NCOR1: variants seen among roughly 807,000 people sequenced by gnomAD.
The protein encoded by NCOR1 is protein phosphatase 1, regulatory subunit 109.
A neutral mutation model predicts 288.1 loss-of-function variants in NCOR1; 63 were observed. The ratio of observed to expected loss-of-function variants is 0.22; its 90% CI spans 0.18 to 0.27. NCOR1 has a LOEUF of 0.27. NCOR1 is among the 10% of genes least tolerant of loss of function. The pLI, the probability that NCOR1 is intolerant of heterozygous loss-of-function variation, is 1.00. For missense variants in NCOR1, 2,397 were observed against 3,019.2 expected, an observed-to-expected ratio of 0.79 and a Z score of 4.83; for synonymous variants, 1,007 against 1,065.9, an observed-to-expected ratio of 0.94 and a Z score of 1.08.
intron 44 of NCOR1, among the ~76,000 whole-genome samples, chr17:16,035,745 T>C (rs1169228880): frequency 6.6e-6 from 1 of 152,100 alleles, no homozygotes; most frequent in East Asian, 1.9e-4. Context: ...TCTCACCATG[T>C]TGCCCAGGTT....
intron 26 of NCOR1, 39 bp from the exon 27 acceptor site, chr17:16,075,741 C>T (rs772993198): frequency 4.4e-6 from 7 of 1,608,828 alleles, no homozygotes; most frequent in South Asian, 2.2e-5. Context: ...AGGAGTCACT[C>T]GAGTTTAGGG....
At chr17:16,194,808 TTTC>T (rs1438769193) in intron 1 of NCOR1, among the ~76,000 whole-genome samples, 169 bp from the exon 2 acceptor site, 3 of 152,222 alleles carry the variant, frequency 2.0e-5, no homozygotes, top group Non-Finnish European at 2.9e-5. Context: ...TAATGCATCA[TTTC>T]TTTTTATACT....
At chr17:16,058,332 G>A in intron 38 of NCOR1, 139 bp downstream of exon 38, 5 of 1,138,424 alleles carry the variant, frequency 4.4e-6, no homozygotes, top group Non-Finnish European at 4.9e-6. Context: ...ATCGATTGCT[G>A]TTTCTAAAGA....
At chr17:16,130,584 TAAC>T (rs1380532929) in intron 14 of NCOR1, among the ~76,000 whole-genome samples, 1 of 152,180 alleles carries the variant, frequency 6.6e-6, no homozygotes, top group Non-Finnish European at 1.5e-5. Context: ...TTCTGTCAAA[TAAC>T]AAGCTATTCA....
chr17:16,077,653 A>G (rs2062769677), intron 26 of NCOR1, among the ~76,000 whole-genome samples: 1 of 151,646 alleles, frequency 6.6e-6, no homozygotes, highest in Non-Finnish European at 1.5e-5. Flanking sequence ...GAGAAAAGAA[A>G]AGAGAAAGAA....
intron 14 of NCOR1, among the ~76,000 whole-genome samples, chr17:16,128,075 G>A (rs1314526138): frequency 3.3e-5 from 5 of 151,976 alleles, no homozygotes; most frequent in Non-Finnish European, 7.4e-5. Context: ...CATTGTGACT[G>A]GCCTGCATTT....
intron 1 of NCOR1, among the ~76,000 whole-genome samples, chr17:16,214,398 G>A (rs2092383673): frequency 6.6e-6 from 1 of 152,134 alleles, no homozygotes; most frequent in Non-Finnish European, 1.5e-5. Context: ...CTTGCACAGT[G>A]CCATGTTCAG....
intron 32 of NCOR1, among the ~76,000 whole-genome samples, chr17:16,066,118 A>G (rs2061094840): frequency 6.6e-6 from 1 of 152,348 alleles, no homozygotes; most frequent in South Asian, 2.1e-4. Flanking sequence ...AAATGATTAT[A>G]GACTATAAGC....
chr17:16,113,538 T>C (rs952919979), intron 18 of NCOR1, among the ~76,000 whole-genome samples: 1 of 152,228 alleles, frequency 6.6e-6, no homozygotes, highest in Admixed American at 6.5e-5. Context: ...TGTCACTTCT[T>C]ATTTGTTAGT....
intron 31 of NCOR1, 134 bp from the exon 32 acceptor site, chr17:16,068,255 T>C: frequency 1.4e-6 from 1 of 718,188 alleles, no homozygotes; most frequent in Non-Finnish European, 2.3e-6. Flanking sequence ...ACATTTAACA[T>C]TCAATATTGC....
intron 17 of NCOR1, among the ~76,000 whole-genome samples, chr17:16,119,142 T>C (rs1211634871): frequency 1.3e-5 from 2 of 152,194 alleles, no homozygotes; most frequent in Non-Finnish European, 2.9e-5. Context: ...TCTAAAAAAG[T>C]GAAAACGACC....
At chr17:16,208,191 C>A (rs1022934754) in intron 1 of NCOR1, among the ~76,000 whole-genome samples, 5 of 147,350 alleles carry the variant, frequency 3.4e-5, no homozygotes, top group Non-Finnish European at 7.5e-5. Context: ...CAGGCGCGTG[C>A]CACCATGCCC....
chr17:16,189,150 T>C lies in NCOR1; in HGVS notation c.109-2463A>G, dbSNP rs141086231. 5.7e-3 allele frequency among the ~76,000 whole-genome samples: 715 copies of C among 125,434 alleles called. 5 individuals carry two copies. The highest frequency in any genetic ancestry group is 0.017 in the African/African-American group (679 of 39,726). The allele number at this position is 125,434 out of a possible 152,430, so 82.3% of individuals were successfully genotyped here. On this transcript the variant is annotated intron_variant, in intron 2 of 45. Coordinates refer to ENST00000268712, the MANE Select transcript of NCOR1 (RefSeq NM_006311.4). ...AGCTCACACCTGTAATCTTAGCACA[T>C]TGGGAGGCCAAGGTGGGAGGGTTGC...
chr17:16,054,410 C>T (rs959631901), intron 40 of NCOR1, among the ~76,000 whole-genome samples: 1 of 152,120 alleles, frequency 6.6e-6, no homozygotes, highest in African/African-American at 2.4e-5. Flanking sequence ...TGGCATGTGC[C>T]TGTAATCCCA....
chr17:16,146,748 G>A (rs944285855), intron 9 of NCOR1, among the ~76,000 whole-genome samples, 200 bp from the exon 10 acceptor site: 8 of 152,276 alleles, frequency 5.3e-5, no homozygotes, highest in African/African-American at 1.9e-4. Flanking sequence ...TAGAGCACAG[G>A]TTGGCTGGAT....
At chr17:16,132,921 C>T (rs1358537239) in intron 14 of NCOR1, among the ~76,000 whole-genome samples, 3 of 148,942 alleles carry the variant, frequency 2.0e-5, no homozygotes, top group Non-Finnish European at 4.4e-5. Flanking sequence ...TCCCTTCCTT[C>T]TTCTTCTTCT....
intron 36 of NCOR1, 75 bp downstream of exon 36, chr17:16,062,030 A>G: frequency 6.3e-7 from 1 of 1,588,846 alleles, no homozygotes; most frequent in South Asian, 1.2e-5. Context: ...GACTATACTT[A>G]GACTATTGCA....
chr17:16,195,378 G>A (rs966277928), intron 1 of NCOR1, among the ~76,000 whole-genome samples: 1 of 152,094 alleles, frequency 6.6e-6, no homozygotes, highest in Non-Finnish European at 1.5e-5. Context: ...GGCTGAGGCA[G>A]GAGAATCGCT....
chr17:16,145,471 G>GC (rs1160404822), intron 10 of NCOR1, among the ~76,000 whole-genome samples: 1 of 133,476 alleles, frequency 7.5e-6, no homozygotes, highest in Admixed American at 7.3e-5. Flanking sequence ...CGGCCCCACC[G>GC]CCCCGTCTGG....
Sources: allele counts gnomAD v4.1 joint callset (sites outside exome capture counted in the v4.1 genomes callset), GRCh38; gene constraint gnomAD v4.1.1; transcripts MANE v1.5; gene names NCBI Gene and HGNC (gene_info 2026-07-23, HGNC 2026-07-21).